Variants in CHL1 observed in about 807,000 individuals in gnomAD.
CHL1 encodes the protein neural cell adhesion molecule L1-like protein.
CHL1 carries 96 observed loss-of-function variants against 141.9 expected under a neutral mutation model. That is an observed-to-expected ratio of 0.68 (90% CI 0.57 to 0.80). The LOEUF (loss-of-function observed/expected upper bound fraction) is 0.80. CHL1 is among the 30% of genes least tolerant of loss of function. The pLI, the probability that CHL1 is intolerant of heterozygous loss-of-function variation, is 0.00. For missense variants in CHL1, 1,820 were observed against 1,457.2 expected (o/e 1.25, Z -4.05); for synonymous variants, 613 against 502.2 (o/e 1.22, Z -2.95).
In CHL1 at chr3:394,823, G is replaced by T. The variant is rs752478426; in HGVS notation, c.3045G>T (p.Gln1015His). 5 of 1,613,868 alleles carry T rather than the reference G, an allele frequency of 3.1e-6. No individual in the cohort carries two copies. Among genetic ancestry groups the T allele is most frequent in the Non-Finnish European group, 4.2e-6 (5 of 1,179,914 alleles). ...TCTACTTGAGGGCTTGCACTTCACA[G>T]GGCTGTGGAAAACCGATCACGGAGG... is the stretch of plus-strand genomic sequence containing the variant. ...YKFYLRACTS[Q>H]GCGKPITEES... The change falls in exon 24 of 28, where the codon CAG (glutamine) becomes CAT (histidine). Residue 1015 changes from glutamine to histidine, a missense_variant. Gln to His is a conservative substitution (Grantham distance 24). Coordinates refer to ENST00000256509, the MANE Select transcript of CHL1 (RefSeq NM_006614.4).
chr3:272,375 T>C (rs1695711466), intron 2 of CHL1, among the ~76,000 whole-genome samples: 1 of 152,198 alleles, frequency 6.6e-6, no homozygotes, highest in South Asian at 2.1e-4. Flanking sequence ...TTCCAGGTTT[T>C]AGGTTTGGTA....
chr3:335,494 A>C (rs1006501816), intron 5 of CHL1, among the ~76,000 whole-genome samples: 1 of 152,180 alleles, frequency 6.6e-6, no homozygotes, highest in Non-Finnish European at 1.5e-5. Context: ...AGAGGTGATA[A>C]AGTATGTGCA....
chr3:327,375 C>G (rs1191358659), intron 4 of CHL1, among the ~76,000 whole-genome samples: 1 of 151,890 alleles, frequency 6.6e-6, no homozygotes, highest in East Asian at 1.9e-4. Context: ...TGTCATTGTT[C>G]ATAGAACTGA....
intron 11 of CHL1, among the ~76,000 whole-genome samples, chr3:356,426 T>A (rs1319267654): frequency 6.6e-6 from 1 of 152,196 alleles, no homozygotes. Context: ...TGGGGTACTT[T>A]CTATGTTCCC....
chr3:374,690 G>T (rs1267730754), intron 15 of CHL1, among the ~76,000 whole-genome samples: 1 of 152,158 alleles, frequency 6.6e-6, no homozygotes, highest in Non-Finnish European at 1.5e-5. Context: ...CTCAGAAGAG[G>T]CCCCAGGAGC....
chr3:364,284 A>T (rs1391299811), intron 14 of CHL1, among the ~76,000 whole-genome samples: 1 of 152,146 alleles, frequency 6.6e-6, no homozygotes, highest in Non-Finnish European at 1.5e-5. Flanking sequence ...AAGCACTCAA[A>T]TACTCTCCCA....
chr3:347,371 T>G (rs1157534833), intron 9 of CHL1, among the ~76,000 whole-genome samples: 4 of 152,172 alleles, frequency 2.6e-5, no homozygotes, highest in Non-Finnish European at 5.9e-5. Flanking sequence ...ATGCTGTTAG[T>G]AAATGTTATT....
intron 2 of CHL1, among the ~76,000 whole-genome samples, chr3:275,703 G>C (rs980775034): frequency 2.6e-5 from 4 of 152,054 alleles, no homozygotes; most frequent in African/African-American, 9.7e-5. Flanking sequence ...TTTGAATGAA[G>C]AATTCAATAA....
At chr3:386,879 G>A (rs1707769547) in intron 19 of CHL1, among the ~76,000 whole-genome samples, 1 of 152,076 alleles carries the variant, frequency 6.6e-6, no homozygotes, top group Admixed American at 6.6e-5. Flanking sequence ...GAAAATTGTT[G>A]AGAGACTAGG....
chr3:197,751 G>A (rs986816547), intron 1 of CHL1: 11 of 455,252 alleles, frequency 2.4e-5, no homozygotes, highest in African/African-American at 1.0e-4. Context: ...AGACCGCCGA[G>A]GGGCGAGAGG....
chr3:328,459 C>A, intron 5 of CHL1, 105 bp downstream of exon 5: 2 of 899,294 alleles, frequency 2.2e-6, no homozygotes, highest in Non-Finnish European at 3.3e-6. Flanking sequence ...ACTAAATCAA[C>A]TTATATGTGT....
At chr3:237,067 A>G (rs933563046) in intron 1 of CHL1, among the ~76,000 whole-genome samples, 20 of 152,122 alleles carry the variant, frequency 1.3e-4, no homozygotes, top group Non-Finnish European at 2.4e-4. Context: ...ATATCTCTCT[A>G]TTACGCTGTT....
intron 11 of CHL1, 139 bp from the exon 12 acceptor site, chr3:360,145 A>G (rs1704095232): frequency 3.6e-6 from 3 of 840,046 alleles, no homozygotes; most frequent in South Asian, 2.0e-5. Context: ...CAGAAAACCT[A>G]AAGAATTGGC....
chr3:366,978 C>G (rs1002844295), intron 15 of CHL1, among the ~76,000 whole-genome samples: 2 of 152,212 alleles, frequency 1.3e-5, no homozygotes, highest in Admixed American at 1.3e-4. Context: ...TAAATCATAT[C>G]TGGGATTCTT....
chr3:287,144 C>T (rs1271178941), intron 2 of CHL1, among the ~76,000 whole-genome samples: 3 of 152,032 alleles, frequency 2.0e-5, no homozygotes, highest in Non-Finnish European at 4.4e-5. Flanking sequence ...GTTCAAACGC[C>T]TCTGACATTT....
chr3:394,030 C>G (rs6798616), intron 23 of CHL1, among the ~76,000 whole-genome samples: 5,469 of 152,206 alleles, frequency 0.036, 140 homozygotes, highest in African/African-American at 0.079. Flanking sequence ...TTACAGTAAT[C>G]TTATAATACT....
chr3:232,377 A>G (rs1327319513), intron 1 of CHL1, among the ~76,000 whole-genome samples: 1 of 152,164 alleles, frequency 6.6e-6, no homozygotes, highest in African/African-American at 2.4e-5. Flanking sequence ...TCTACCTTGC[A>G]CTTTACAATA....
intron 2 of CHL1, among the ~76,000 whole-genome samples, chr3:297,086 C>CAT (rs1258778669): frequency 6.6e-6 from 1 of 151,964 alleles, no homozygotes; most frequent in Non-Finnish European, 1.5e-5. Context: ...GATAGCCAGG[C>CAT]ATGGTGGTGC....
chr3:285,795 C>T (rs539182262), intron 2 of CHL1, among the ~76,000 whole-genome samples: 2 of 151,768 alleles, frequency 1.3e-5, no homozygotes, highest in Non-Finnish European at 2.9e-5. Flanking sequence ...AAACCAACAA[C>T]AACAATATTT....
Sources: allele counts gnomAD v4.1 joint callset (sites outside exome capture counted in the v4.1 genomes callset), GRCh38; gene constraint gnomAD v4.1.1; transcripts MANE v1.5; gene names NCBI Gene and HGNC (gene_info 2026-07-23, HGNC 2026-07-21).